The following PTPRD variants were observed in gnomAD, a reference collection of about 807,000 sequenced individuals.
PTPRD encodes the protein receptor-type tyrosine-protein phosphatase delta.
In PTPRD, 34 loss-of-function variants were observed where a neutral mutation model predicts 214.5. The ratio of observed to expected loss-of-function variants is 0.16; its 90% CI spans 0.12 to 0.21. The LOEUF is 0.21. Among genes scored for constraint, PTPRD ranks in the 10% least tolerant of loss-of-function variants. The pLI is 1.00. For missense variants in PTPRD, 2,545 were observed against 2,398.7 expected, an observed-to-expected ratio of 1.06 and a Z score of -1.27; for synonymous variants, 1,128 against 845.7, an observed-to-expected ratio of 1.33 and a Z score of -5.79.
At chr9:9,749,186 T>C (rs568614589) in intron 6 of PTPRD, among the ~76,000 whole-genome samples, 8 of 152,234 alleles carry the variant, frequency 5.3e-5, no homozygotes, top group African/African-American at 1.9e-4. Context: ...TGCCTCTCAG[T>C]TTCAAATCTC....
chr9:9,792,849 T>G (rs2153476997), intron 5 of PTPRD, among the ~76,000 whole-genome samples: 1 of 152,256 alleles, frequency 6.6e-6, no homozygotes, highest in Non-Finnish European at 1.5e-5. Flanking sequence ...GTGATGAAAT[T>G]TAATGGTGTT....
chr9:9,070,062 A>G (rs1233648891), intron 10 of PTPRD, among the ~76,000 whole-genome samples: 1 of 152,216 alleles, frequency 6.6e-6, no homozygotes, highest in Non-Finnish European at 1.5e-5. Flanking sequence ...TCCTTGAGGA[A>G]TCAGTCATGT....
Position 10,509,569 on chromosome 9 carries a change from ATATATAT to A in PTPRD, c.-600+102822_-600+102828del, listed in dbSNP as rs1218059178. 2.9e-5 allele frequency among the ~76,000 whole-genome samples: 4 copies of A among 138,088 alleles called. 1 individual carries two copies. Among genetic ancestry groups the A allele is most frequent in the Non-Finnish European group, 1.6e-5 (1 of 64,466 alleles). The allele number at this position is 138,088 out of a possible 152,430, so 90.6% of individuals were successfully genotyped here. ...CATTTAATAAATATTATATATATAT[ATATATAT>A]ATATTTTACTCACTTACTTACTTTC... On this transcript the variant is annotated intron_variant, in intron 2 of 45. Coordinates refer to ENST00000381196, the MANE Select transcript of PTPRD (RefSeq NM_002839.4).
At chr9:8,528,506 A>G (rs10758978) in intron 15 of PTPRD, 85 bp downstream of exon 15, 131,806 of 1,218,328 alleles carry the variant, frequency 0.11, 8,075 homozygotes, top group East Asian at 0.24. Context: ...GAAATAAAAA[A>G]TAAATTAAAA....
intron 11 of PTPRD, among the ~76,000 whole-genome samples, chr9:8,833,687 C>A (rs1194727232): frequency 8.0e-6 from 1 of 124,928 alleles, no homozygotes; most frequent in Non-Finnish European, 1.7e-5. Context: ...AAAACTCTCT[C>A]CTCTCTCTCT....
At chr9:10,165,711 A>T (rs189523369) in intron 3 of PTPRD, among the ~76,000 whole-genome samples, 1 of 151,742 alleles carries the variant, frequency 6.6e-6, no homozygotes, top group Admixed American at 6.6e-5. Flanking sequence ...GACAAATTTA[A>T]ATGTTTATTA....
At chr9:8,834,769 A>G (rs2097376097) in intron 11 of PTPRD, among the ~76,000 whole-genome samples, 1 of 152,250 alleles carries the variant, frequency 6.6e-6, no homozygotes, top group Non-Finnish European at 1.5e-5. Context: ...ACATGTAAAG[A>G]CAATGATTTG....
At chr9:10,274,854 C>T (rs2094592200) in intron 3 of PTPRD, among the ~76,000 whole-genome samples, 1 of 152,096 alleles carries the variant, frequency 6.6e-6, no homozygotes, top group Non-Finnish European at 1.5e-5. Context: ...AGGATCTAGA[C>T]AGCAGCAATG....
intron 11 of PTPRD, among the ~76,000 whole-genome samples, chr9:8,961,737 T>C (rs1410380505): frequency 6.6e-6 from 1 of 152,102 alleles, no homozygotes; most frequent in Non-Finnish European, 1.5e-5. Context: ...CAACTGTTAC[T>C]ATAATTTTGT....
intron 6 of PTPRD, among the ~76,000 whole-genome samples, chr9:9,750,863 C>T (rs570319409): frequency 5.3e-5 from 8 of 152,182 alleles, no homozygotes; most frequent in African/African-American, 1.9e-4. Flanking sequence ...AGGTTCTGCC[C>T]TATTCCATTT....
intron 3 of PTPRD, among the ~76,000 whole-genome samples, chr9:10,293,513 A>G (rs1183271190): frequency 6.6e-6 from 1 of 151,994 alleles, no homozygotes; most frequent in Non-Finnish European, 1.5e-5. Context: ...AGGATATTAA[A>G]TCATGTTAGA....
At chr9:8,536,000 A>C (rs1240935859) in intron 14 of PTPRD, among the ~76,000 whole-genome samples, 1 of 151,962 alleles carries the variant, frequency 6.6e-6, no homozygotes, top group African/African-American at 2.4e-5. Context: ...AGTATCTCTA[A>C]AATACAAATA....
At chr9:9,390,591 C>T (rs553356038) in intron 9 of PTPRD, among the ~76,000 whole-genome samples, 11 of 151,976 alleles carry the variant, frequency 7.2e-5, no homozygotes, top group Non-Finnish European at 1.3e-4. Context: ...TTATTATTGC[C>T]TTAGGACAGG....
intron 11 of PTPRD, among the ~76,000 whole-genome samples, chr9:8,914,478 T>A (rs573714715): frequency 4.5e-4 from 68 of 152,272 alleles, no homozygotes; most frequent in African/African-American, 1.6e-3. Flanking sequence ...GCACTATGAT[T>A]GTTTATTTAA....
At chr9:8,693,623 G>A (rs760271997) in intron 12 of PTPRD, among the ~76,000 whole-genome samples, 1 of 152,180 alleles carries the variant, frequency 6.6e-6, no homozygotes, top group Admixed American at 6.5e-5. Flanking sequence ...CGATGTAAGT[G>A]ACAGAAGTCT....
At chr9:8,338,409 A>G (rs915082840) in intron 43 of PTPRD, among the ~76,000 whole-genome samples, 12 of 152,128 alleles carry the variant, frequency 7.9e-5, no homozygotes, top group African/African-American at 2.7e-4. Flanking sequence ...ACACTGAGGA[A>G]TAAGCCATGC....
At chr9:9,158,211 C>G (rs2099882998) in intron 10 of PTPRD, among the ~76,000 whole-genome samples, 1 of 152,100 alleles carries the variant, frequency 6.6e-6, no homozygotes, top group Admixed American at 6.6e-5. Context: ...TATTTATATT[C>G]CTGGCTATGT....
At chr9:8,840,798 C>T (rs1205299649) in intron 11 of PTPRD, among the ~76,000 whole-genome samples, 3 of 152,012 alleles carry the variant, frequency 2.0e-5, no homozygotes, top group Non-Finnish European at 4.4e-5. Context: ...AATGACTGAT[C>T]GCCCTTTCAG....
intron 12 of PTPRD, among the ~76,000 whole-genome samples, chr9:8,687,347 A>G (rs2097701832): frequency 6.6e-6 from 1 of 152,224 alleles, no homozygotes; most frequent in Non-Finnish European, 1.5e-5. Flanking sequence ...AGGAATGAAA[A>G]AACTCTTCTA....
Sources: gnomAD v4.1 joint callset for allele counts (sites outside exome capture counted in the v4.1 genomes callset) on GRCh38, gnomAD v4.1.1 for gene constraint, MANE v1.5 for transcripts, NCBI Gene and HGNC (gene_info 2026-07-23, HGNC 2026-07-21) for gene names.